Variants in EGFR observed in about 807,000 individuals in gnomAD.
EGFR encodes the protein epidermal growth factor receptor.
Under a neutral mutation model 143.0 loss-of-function variants are expected in EGFR, and 58 were observed. That is an observed-to-expected ratio of 0.41 (90% CI 0.33 to 0.50). The LOEUF is 0.50. Among genes scored for constraint, EGFR ranks in the 20% least tolerant of loss-of-function variants. The probability of loss-of-function intolerance (pLI) is 0.39; values close to 1 mark genes in which losing one functional copy is unlikely to be tolerated. For missense variants in EGFR, 1,307 were observed against 1,579.0 expected (o/e 0.83, Z 2.92); for synonymous variants, 613 against 594.4 (o/e 1.03, Z -0.45).
In EGFR at chr7:55,157,691, A is replaced by G. The variant is rs1274192244; in HGVS notation, c.1236A>G (p.Glu412=). 1 of 1,614,144 alleles carries G rather than the reference A, an allele frequency of 6.2e-7. No homozygotes were observed. The highest frequency in any genetic ancestry group is 8.5e-7 in the Non-Finnish European group (1 of 1,180,054). The change falls in exon 11 of 28, where the codon GAA becomes GAG. Residue 412 remains glutamate, a synonymous_variant. Coordinates refer to ENST00000275493, the MANE Select transcript of EGFR (RefSeq NM_005228.5). ...TTTTGCTGATTCAGGCTTGGCCTGA[A>G]AACAGGACGGACCTCCATGCCTTTG... The part of the protein sequence containing the change: ...TGFLLIQAWP[E]NRTDLHAFEN...
At chr7:55,155,764 C>A (rs1365773124) in intron 7 of EGFR, 66 bp from the exon 8 acceptor site, 2 of 1,269,496 alleles carry the variant, frequency 1.6e-6, no homozygotes, top group South Asian at 1.2e-5. Flanking sequence ...GGACCTGGAC[C>A]GCCTGTGTGA....
chr7:55,163,004 C>A (rs1785783649), intron 13 of EGFR, among the ~76,000 whole-genome samples: 1 of 152,222 alleles, frequency 6.6e-6, no homozygotes, highest in African/African-American at 2.4e-5. Context: ...GTTGGCCAGG[C>A]TGGTCTCAAA....
At chr7:55,078,987 C>G (rs982866848) in intron 1 of EGFR, among the ~76,000 whole-genome samples, 3 of 152,180 alleles carry the variant, frequency 2.0e-5, no homozygotes, top group African/African-American at 7.2e-5. Flanking sequence ...ACTTCTATTC[C>G]GTTTGGCTTC....
At chr7:55,174,947 T>C in intron 19 of EGFR, 127 bp downstream of exon 19, 1 of 755,986 alleles carries the variant, frequency 1.3e-6, no homozygotes, top group South Asian at 1.5e-5. Context: ...ACTTTCTATG[T>C]CTTTCCCTTT....
chr7:55,156,846 T>C lies in EGFR; in HGVS notation c.1207+14T>C. 2 of 1,614,256 alleles carry C rather than the reference T, an allele frequency of 1.2e-6. No individual in the cohort carries two copies. Among genetic ancestry groups the C allele is most frequent in the Non-Finnish European group, 8.5e-7 (1 of 1,180,044 alleles). ...AGGAAATCACAGGTTTGAGCTGAAT[T>C]ATCACATGAATATAAATGGGAAATC... On this transcript the variant is annotated intron_variant, in intron 10 of 27. Coordinates refer to ENST00000275493, the MANE Select transcript of EGFR (RefSeq NM_005228.5).
intron 20 of EGFR, chr7:55,181,890 G>C: frequency 3.3e-6 from 1 of 301,040 alleles, no homozygotes; most frequent in South Asian, 3.3e-5. Context: ...TGGTGGAGTG[G>C]AGCAGGTGCC....
chr7:55,137,824 G>C (rs1794235976), intron 1 of EGFR, among the ~76,000 whole-genome samples: 1 of 152,194 alleles, frequency 6.6e-6, no homozygotes, highest in Non-Finnish European at 1.5e-5. Context: ...CTGGTGTATG[G>C]GGGCAGGGAT....
chr7:55,187,773 AC>A (rs1403640082), intron 20 of EGFR, among the ~76,000 whole-genome samples: 2 of 151,940 alleles, frequency 1.3e-5, no homozygotes, highest in Admixed American at 6.6e-5. Context: ...GCCCCCCTGA[AC>A]CCCATCCCTT....
Position 55,161,762 on chromosome 7 carries a change from G to A in EGFR, c.1631+131G>A, listed in dbSNP as rs980727839. 45 of 1,510,556 alleles carry A rather than the reference G, an allele frequency of 3.0e-5. 1 individual carries two copies. In the South Asian group the frequency reaches 3.9e-4, roughly 13 times the overall value. 93.6% of individuals were successfully genotyped at this position (1,510,556 alleles called of 1,614,324 possible). On this transcript the variant is annotated intron_variant, in intron 13 of 27. Coordinates refer to ENST00000275493, the MANE Select transcript of EGFR (RefSeq NM_005228.5). ...TTTGCCCTTGGCTTTTGGAGGTTTT[G>A]GGTTTTCTGTGGGGAGACGGGAAGT...
intron 22 of EGFR, among the ~76,000 whole-genome samples, chr7:55,196,602 T>C (rs1192691020): frequency 6.6e-6 from 1 of 152,192 alleles, no homozygotes; most frequent in Non-Finnish European, 1.5e-5. Context: ...CCCATTCCTA[T>C]ATCCAGAATG....
At chr7:55,045,433 T>A (rs1788132040) in intron 1 of EGFR, among the ~76,000 whole-genome samples, 1 of 152,234 alleles carries the variant, frequency 6.6e-6, no homozygotes, top group African/African-American at 2.4e-5. Flanking sequence ...GGTTTTTTGT[T>A]CTTAGTAAAA....
Position 55,093,792 on chromosome 7 carries a change from C to T in EGFR, c.89-48494C>T, listed in dbSNP as rs893904258. 1.9e-4 allele frequency among the ~76,000 whole-genome samples: 29 copies of T among 152,192 alleles called. 1 individual carries two copies. Among genetic ancestry groups the T allele is most frequent in the Admixed American group, 1.7e-3 (26 of 15,292 alleles). ...AGGGAGATGAAACTAGTCTGTGATC[C>T]GAGGTCTCACTTCCATACATTTCTC... On this transcript the variant is annotated intron_variant, in intron 1 of 27. Coordinates refer to ENST00000275493, the MANE Select transcript of EGFR (RefSeq NM_005228.5).
At chr7:55,170,542 T>A (rs1786295533) in intron 15 of EGFR, 1 of 1,613,254 alleles carries the variant, frequency 6.2e-7, no homozygotes, top group Non-Finnish European at 8.5e-7. Context: ...CTCCTGCCAC[T>A]GAGCCTCATG....
intron 13 of EGFR, among the ~76,000 whole-genome samples, chr7:55,161,978 G>C (rs912407414): frequency 6.6e-6 from 1 of 152,138 alleles, no homozygotes; most frequent in Admixed American, 6.5e-5. Context: ...GTGGCCATTT[G>C]GGCTTTTCTT....
chr7:55,151,192 T>G, intron 4 of EGFR, 102 bp from the exon 5 acceptor site: 1 of 1,136,342 alleles, frequency 8.8e-7, no homozygotes, highest in Non-Finnish European at 1.3e-6. Flanking sequence ...GTTGAAAAGA[T>G]TGTCTTCATT....
chr7:55,115,683 C>T (rs1792795701), intron 1 of EGFR, among the ~76,000 whole-genome samples: 1 of 152,146 alleles, frequency 6.6e-6, no homozygotes, highest in Admixed American at 6.5e-5. Context: ...TCTCAGGACC[C>T]AGTGACTTAC....
chr7:55,071,367 C>T (rs1789817415), intron 1 of EGFR, among the ~76,000 whole-genome samples: 1 of 152,194 alleles, frequency 6.6e-6, no homozygotes, highest in African/African-American at 2.4e-5. Flanking sequence ...TTCAATTTGC[C>T]TTCTGTTATA....
chr7:55,035,421 T>C (rs1787500138), intron 1 of EGFR, among the ~76,000 whole-genome samples: 1 of 151,604 alleles, frequency 6.6e-6, no homozygotes, highest in African/African-American at 2.4e-5. Context: ...CCCAGCACTT[T>C]GGGAGGCCAA....
In EGFR at chr7:55,155,866, G is replaced by A. The variant is rs1785385514; in HGVS notation, c.926G>A (p.Arg309Gln). ...GTGACAGATCACGGCTCGTGCGTCCGAGCCTGTGGGGCCGACAGCTATGAG... is the reference window on the plus strand; with the variant it reads ...GTGACAGATCACGGCTCGTGCGTCCAAGCCTGTGGGGCCGACAGCTATGAG... ...YVVTDHGSCV[R>Q]ACGADSYEME... Residue 309 changes from arginine (R) to glutamine (Q), a missense_variant, in exon 8 of 28, where the codon CGA (arginine) becomes CAA (glutamine). Coordinates refer to ENST00000275493, the MANE Select transcript of EGFR (RefSeq NM_005228.5). 6.2e-7 allele frequency: 1 copy of A among 1,613,936 alleles called. No individual in the cohort carries two copies. The highest frequency in any genetic ancestry group is 8.5e-7 in the Non-Finnish European group (1 of 1,180,016).
Sources: allele counts gnomAD v4.1 joint callset (sites outside exome capture counted in the v4.1 genomes callset), GRCh38; gene constraint gnomAD v4.1.1; transcripts MANE v1.5; gene names NCBI Gene and HGNC (gene_info 2026-07-23, HGNC 2026-07-21).